The following COL6A2 variants were observed in gnomAD, a reference collection of about 807,000 sequenced individuals.
COL6A2 encodes the protein collagen type VI alpha 2 chain.
A neutral mutation model predicts 124.9 loss-of-function variants in COL6A2; 90 were observed. The observed-to-expected ratio is 0.72, with a 90% CI of 0.61 to 0.86. The LOEUF (loss-of-function observed/expected upper bound fraction) is 0.86. Among genes scored for constraint, COL6A2 ranks in the 40% least tolerant of loss-of-function variants. COL6A2 has a pLI of 0.00. For missense variants in COL6A2, 1,607 were observed against 1,502.5 expected (o/e 1.07, Z -1.15); for synonymous variants, 793 against 618.2 (o/e 1.28, Z -4.19).
Position 46,112,526 on chromosome 21 carries a change from C to T in COL6A2, c.663C>T (p.Pro221=), listed in dbSNP as rs59531343. The change falls in exon 3 of 28, where the codon CCC becomes CCT. Residue 221 remains proline, a synonymous_variant. Coordinates refer to ENST00000300527, the MANE Select transcript of COL6A2 (RefSeq NM_001849.4). ...LYRNDYATML[P]DSTEIDQDTI... is the part of the protein sequence containing the mutation. ...GCAACGACTACGCCACCATGCTGCC[C>T]GACTCCACCGAGATCGACCAGGACA... 136,783 of 1,607,688 alleles carry T rather than the reference C, an allele frequency of 0.085. 6,105 individuals are homozygous for T. The highest frequency in any genetic ancestry group is 0.13 in the African/African-American group (9,316 of 73,656).
Position 46,112,026 on chromosome 21 carries a change from G to A in COL6A2, c.163G>A (p.Glu55Lys). 6.2e-7 allele frequency: 1 copy of A among 1,612,840 alleles called. No homozygotes were observed. Among genetic ancestry groups the A allele is most frequent in the Non-Finnish European group, 8.5e-7 (1 of 1,180,020 alleles). ...IHVYFVLDTSESVTMQSPTDI... is the reference protein window; with the variant it reads ...IHVYFVLDTSKSVTMQSPTDI... ...CGTGTACTTCGTGCTGGACACCTCGGAGAGCGTCACCATGCAGTCCCCCAC... is the reference window on the plus strand; with the variant it reads ...CGTGTACTTCGTGCTGGACACCTCGAAGAGCGTCACCATGCAGTCCCCCAC... The change falls in exon 3 of 28, where the codon GAG (glutamate) becomes AAG (lysine). Residue 55 changes from glutamate (E) to lysine (K), a missense_variant. Transcript: ENST00000300527.
At chr21:46,103,909 C>T (rs970846907) in intron 1 of COL6A2, among the ~76,000 whole-genome samples, 7 of 152,172 alleles carry the variant, frequency 4.6e-5, no homozygotes, top group Non-Finnish European at 7.3e-5. Context: ...TCTTTTTCCT[C>T]TTTTGAGACG....
At chr21:46,123,760 G>A (rs1370478594) in intron 21 of COL6A2, among the ~76,000 whole-genome samples, 5 of 132,716 alleles carry the variant, frequency 3.8e-5, no homozygotes, top group African/African-American at 1.3e-4. Context: ...GAATGGATGA[G>A]TGGGGGGATG....
chr21:46,120,138 C>CCCCCCAGCCCCCACTGAGGCACCG (rs1236853963), intron 15 of COL6A2, among the ~76,000 whole-genome samples: 10 of 150,280 alleles, frequency 6.7e-5, no homozygotes, highest in Non-Finnish European at 1.0e-4. Context: ...CACTGAGGCA[C>CCCCCCAGCCCCCACTGAGGCACCG]CTCTTACCCC....
chr21:46,126,560 A>T lies in COL6A2; in HGVS notation c.2461+19A>T. The T allele has an allele frequency of 6.2e-7, 1 of 1,613,246 alleles. No individual in the cohort carries two copies. The highest frequency in any genetic ancestry group is 8.5e-7 in the Non-Finnish European group (1 of 1,179,890). On this transcript the variant is annotated intron_variant, in intron 27 of 27. Coordinates refer to ENST00000300527, the MANE Select transcript of COL6A2 (RefSeq NM_001849.4). ...CAAACAGGTAATGCAGGGCACCCTG[A>T]GCCACCACCCCAGACTAGCAAAGCA...
intron 1 of COL6A2, among the ~76,000 whole-genome samples, chr21:46,100,345 G>T (rs557761382): frequency 3.0e-4 from 46 of 151,914 alleles, no homozygotes; most frequent in Middle Eastern, 3.4e-3. Flanking sequence ...GTGTTTGGGG[G>T]GTTTTTTCTT....
chr21:46,126,478 G>GC (rs1480357613), intron 26 of COL6A2, 25 bp from the exon 27 acceptor site: 1 of 1,612,842 alleles, frequency 6.2e-7, no homozygotes, highest in Admixed American at 1.7e-5. Flanking sequence ...CCCTGGCCTG[G>GC]CCCGGCCTCT....
chr21:46,113,057 T>C, intron 4 of COL6A2: 1 of 613,258 alleles, frequency 1.6e-6, no homozygotes, highest in Non-Finnish European at 2.9e-6. Context: ...GAGCACGTGT[T>C]ACAAGGAGAG....
At chr21:46,113,864 C>G (rs1185573881) in intron 4 of COL6A2, 144 bp from the exon 5 acceptor site, 1 of 727,930 alleles carries the variant, frequency 1.4e-6, no homozygotes, top group African/African-American at 1.7e-5. Context: ...TCACAGCTCC[C>G]TCACGCCCGC....
At position 46,132,249 on chromosome 21, in the gene COL6A2, A is replaced by G. The variant is rs758646770; in HGVS notation, c.2757A>G (p.Ala919=). 55 of 1,604,668 alleles carry G rather than the reference A, an allele frequency of 3.4e-5. No individual in the cohort carries two copies. The highest frequency in any genetic ancestry group is 3.3e-4 in the Middle Eastern group (2 of 6,076). Reference sequence around the variant, plus strand: ...TGAACTCCTTCTCGCACGTGGGCGCAGGCGTGGTGCACGCCATCAATGCCA... The same window carrying G: ...TGAACTCCTTCTCGCACGTGGGCGCGGGCGTGGTGCACGCCATCAATGCCA... ...QYLNSFSHVG[A]GVVHAINAIV... Residue 919 remains alanine, a synonymous_variant, in exon 28 of 28, where the codon GCA becomes GCG. Coordinates refer to ENST00000300527, the MANE Select transcript of COL6A2 (RefSeq NM_001849.4).
intron 23 of COL6A2, 116 bp from the exon 24 acceptor site, chr21:46,125,150 G>A (rs569225969): frequency 2.9e-5 from 33 of 1,123,138 alleles, no homozygotes; most frequent in African/African-American, 2.4e-4. Context: ...CAGCCTCCCC[G>A]CATGGCTGCC....
At chr21:46,121,724 C>T (rs2078569771) in intron 18 of COL6A2, 106 bp downstream of exon 18, 1 of 1,118,730 alleles carries the variant, frequency 8.9e-7, no homozygotes, top group Admixed American at 1.9e-5. Context: ...AGACGTGCCT[C>T]AGGACGGGCC....
intron 21 of COL6A2, among the ~76,000 whole-genome samples, chr21:46,123,710 T>C (rs2078605565): frequency 6.8e-6 from 1 of 147,956 alleles, no homozygotes; most frequent in Non-Finnish European, 1.5e-5. Flanking sequence ...GGTAGATGGA[T>C]GGGTGGGTGG....
chr21:46,115,388 A>G (rs188953057), intron 5 of COL6A2, among the ~76,000 whole-genome samples: 2 of 152,216 alleles, frequency 1.3e-5, no homozygotes, highest in Admixed American at 1.3e-4. Context: ...TAAATAGATG[A>G]ATTTATTTAA....
At chr21:46,126,646 G>A in intron 27 of COL6A2, 105 bp downstream of exon 27, 1 of 1,383,870 alleles carries the variant, frequency 7.2e-7, no homozygotes, top group East Asian at 2.4e-5. Flanking sequence ...GGGACCCGGG[G>A]GGCGGCGGAG....
chr21:46,115,458 G>A (rs374251811), intron 5 of COL6A2, among the ~76,000 whole-genome samples: 3 of 152,222 alleles, frequency 2.0e-5, no homozygotes, highest in African/African-American at 4.8e-5. Flanking sequence ...TTTATGTGGT[G>A]TTCTGAAGTC....
intron 1 of COL6A2, among the ~76,000 whole-genome samples, chr21:46,100,433 A>G (rs541623454): frequency 6.6e-6 from 1 of 152,224 alleles, no homozygotes; most frequent in African/African-American, 2.4e-5. Context: ...TGTCTTAACC[A>G]TTTTTAAGTG....
At chr21:46,131,068 T>C (rs930303068) in intron 27 of COL6A2, among the ~76,000 whole-genome samples, 1 of 152,130 alleles carries the variant, frequency 6.6e-6, no homozygotes, top group African/African-American at 2.4e-5. Flanking sequence ...TGGGGGTCCA[T>C]GTACCAGCTG....
At chr21:46,129,679 C>T (rs1325136906) in intron 27 of COL6A2, 6 of 1,419,230 alleles carry the variant, frequency 4.2e-6, no homozygotes, top group East Asian at 5.1e-5. Flanking sequence ...GTGTCCCTTG[C>T]TGCGGCTGCA....
Sources: gnomAD v4.1 joint callset for allele counts (sites outside exome capture counted in the v4.1 genomes callset) on GRCh38, gnomAD v4.1.1 for gene constraint, MANE v1.5 for transcripts, NCBI Gene and HGNC (gene_info 2026-07-23, HGNC 2026-07-21) for gene names.